The following AGT variants were observed in gnomAD, a reference collection of about 807,000 sequenced individuals.
The protein encoded by AGT is angiotensinogen.
Under a neutral mutation model 28.1 loss-of-function variants are expected in AGT, and 26 were observed. The ratio of observed to expected loss-of-function variants is 0.92; its 90% CI spans 0.68 to 1.28. The LOEUF (loss-of-function observed/expected upper bound fraction) is 1.28. AGT is among the 50% of genes most tolerant of loss of function. AGT has a pLI of 0.00. For synonymous variants in AGT, 259 were observed against 259.6 expected, an observed-to-expected ratio of 1.00 and a Z score of 0.02; for missense variants, 596 against 592.3, an observed-to-expected ratio of 1.01 and a Z score of -0.06.
In AGT at chr1:230,702,969, G is replaced by C; in HGVS notation, c.*172C>G. 1 of 711,644 alleles carries C rather than the reference G, an allele frequency of 1.4e-6. No individual in the cohort carries two copies. 44.1% of individuals were successfully genotyped at this position (711,644 alleles called of 1,614,324 possible). ...CTGCTCACTCCATGCAGCACACTTAGACCAAGGAGAAACGGCTGCTTTCCA... is the reference window on the plus strand; with the variant it reads ...CTGCTCACTCCATGCAGCACACTTACACCAAGGAGAAACGGCTGCTTTCCA... On this transcript the variant is annotated 3_prime_UTR_variant, in exon 5 of 5. Coordinates refer to ENST00000366667, the MANE Select transcript of AGT (RefSeq NM_001384479.1).
chr1:230,739,198 GT>G (rs566967897), intron 1 of AGT, among the ~76,000 whole-genome samples: 6,009 of 143,668 alleles, frequency 0.042, 172 homozygotes, highest in Middle Eastern at 0.13. Context: ...TCCTCTACAG[GT>G]TTTTTTTTTT....
At chr1:230,728,426 C>T (rs905093568) in intron 1 of AGT, among the ~76,000 whole-genome samples, 2 of 152,058 alleles carry the variant, frequency 1.3e-5, no homozygotes, top group African/African-American at 4.8e-5. Context: ...TAAATTTCTC[C>T]TAAAGTTAGC....
At chr1:230,743,394 G>A (rs16852521) in intron 1 of AGT, among the ~76,000 whole-genome samples, 11,319 of 152,156 alleles carry the variant, frequency 0.074, 621 homozygotes, top group East Asian at 0.14. Context: ...AAGGCAGGAC[G>A]CCACCTTTAC....
intron 1 of AGT, among the ~76,000 whole-genome samples, chr1:230,736,519 GA>G (rs1054537164): frequency 1.3e-5 from 2 of 151,426 alleles, no homozygotes; most frequent in Non-Finnish European, 1.5e-5. Flanking sequence ...ACTCCATCTC[GA>G]AAAAAAAGAA....
At chr1:230,705,508 G>T (rs1018157351) in intron 3 of AGT, among the ~76,000 whole-genome samples, 6 of 152,180 alleles carry the variant, frequency 3.9e-5, no homozygotes, top group African/African-American at 1.4e-4. Flanking sequence ...CCCTGAGAAG[G>T]CCCCACCCCC....
intron 1 of AGT, among the ~76,000 whole-genome samples, chr1:230,742,985 G>T (rs1398215000): frequency 6.6e-6 from 1 of 152,074 alleles, no homozygotes; most frequent in Non-Finnish European, 1.5e-5. Context: ...TCAGCAAGTA[G>T]GGGGGTGTTT....
chr1:230,706,231 G>C (rs1026174109), intron 2 of AGT, 31 bp from the exon 3 acceptor site: 1 of 1,609,806 alleles, frequency 6.2e-7, no homozygotes, highest in Non-Finnish European at 8.5e-7. Flanking sequence ...AGGGAGGGAA[G>C]AGTCACCCAA....
intron 1 of AGT, among the ~76,000 whole-genome samples, chr1:230,730,429 G>T (rs1431971843): frequency 6.6e-6 from 1 of 152,010 alleles, no homozygotes; most frequent in Non-Finnish European, 1.5e-5. Context: ...GTTGACTTGC[G>T]GCCATGCTCC....
At chr1:230,709,967 C>T (rs1663523591) in intron 2 of AGT, 28 bp downstream of exon 2, 1 of 1,614,012 alleles carries the variant, frequency 6.2e-7, no homozygotes, top group Non-Finnish European at 8.5e-7. Context: ...AGTCCTAGGG[C>T]CAGAGCCAGC....
intron 3 of AGT, 128 bp downstream of exon 3, chr1:230,705,805 G>T (rs11568043): frequency 1.6e-6 from 2 of 1,239,764 alleles, no homozygotes; most frequent in Admixed American, 1.8e-5. Context: ...GCCCAGCCCC[G>T]TGCCACCGCG....
intron 1 of AGT, among the ~76,000 whole-genome samples, chr1:230,723,485 T>A (rs970252170): frequency 1.3e-5 from 2 of 152,170 alleles, no homozygotes; most frequent in Admixed American, 1.3e-4. Context: ...AGGCTTTGCT[T>A]TTTACAATTG....
At chr1:230,724,350 G>A (rs1226516827) in intron 1 of AGT, among the ~76,000 whole-genome samples, 5 of 152,092 alleles carry the variant, frequency 3.3e-5, no homozygotes, top group Non-Finnish European at 7.3e-5. Flanking sequence ...AACATCTACT[G>A]TATTTACAAC....
At chr1:230,736,961 G>C (rs1233801284) in intron 1 of AGT, among the ~76,000 whole-genome samples, 1 of 152,160 alleles carries the variant, frequency 6.6e-6, no homozygotes, top group Non-Finnish European at 1.5e-5. Context: ...TCCTTGGGCT[G>C]AGAGGCAGGT....
At chr1:230,717,839 T>C (rs1183995280), upstream of AGT, among the ~76,000 whole-genome samples, 1 of 152,200 alleles carries the variant, frequency 6.6e-6, no homozygotes, top group African/African-American at 2.4e-5. Flanking sequence ...GTCCATTTCT[T>C]TCCAATAAAG....
At chr1:230,744,119 C>T (rs1664299066) in intron 1 of AGT, among the ~76,000 whole-genome samples, 2 of 152,212 alleles carry the variant, frequency 1.3e-5, no homozygotes. Context: ...TGATTCTCTG[C>T]CCAAGCTCAG....
intron 1 of AGT, among the ~76,000 whole-genome samples, chr1:230,712,865 C>A (rs2102793164): frequency 6.6e-6 from 1 of 152,208 alleles, no homozygotes; most frequent in Admixed American, 6.5e-5. Context: ...GCCCCTCCGC[C>A]TTCTCCTCTC....
intron 1 of AGT, among the ~76,000 whole-genome samples, chr1:230,727,924 T>C (rs944254143): frequency 6.6e-6 from 1 of 152,168 alleles, no homozygotes; most frequent in Admixed American, 6.5e-5. Flanking sequence ...TTTATACACA[T>C]AGAGCCACCT....
rs1571977348 is a variant in AGT at position 230,710,666 on chromosome 1, G to A, written c.158C>T (p.Pro53Leu). 1 of 1,614,220 alleles carries A rather than the reference G, an allele frequency of 6.2e-7. No individual in the cohort carries two copies. The highest frequency in any genetic ancestry group is 8.5e-7 in the Non-Finnish European group (1 of 1,180,050). ...EQLAKANAGKPKDPTFIPAPI... is the reference protein window; with the variant it reads ...EQLAKANAGKLKDPTFIPAPI... ...AGCAGGTATGAAGGTGGGGTCTTTG[G>A]GCTTCCCGGCATTGGCCTTTGCCAG... Residue 53 changes from proline (P) to leucine (L), a missense_variant, in exon 2 of 5, where the codon CCC becomes CTC. Coordinates refer to ENST00000366667, the MANE Select transcript of AGT (RefSeq NM_001384479.1).
At chr1:230,732,631 G>T (rs1232041874) in intron 1 of AGT, among the ~76,000 whole-genome samples, 1 of 152,172 alleles carries the variant, frequency 6.6e-6, no homozygotes, top group African/African-American at 2.4e-5. Context: ...ATTAAATACT[G>T]TGTATATTAT....
Sources: allele counts gnomAD v4.1 joint callset (sites outside exome capture counted in the v4.1 genomes callset), GRCh38; gene constraint gnomAD v4.1.1; transcripts MANE v1.5; gene names NCBI Gene and HGNC (gene_info 2026-07-23, HGNC 2026-07-21).